UMAD1: variants seen among roughly 807,000 people sequenced by gnomAD.
The protein encoded by UMAD1 is UBAP1-MVB12-associated (UMA)-domain containing protein 1.
UMAD1 carries 8 observed loss-of-function variants against 6.1 expected under a neutral mutation model. That is an observed-to-expected ratio of 1.30 (90% CI 0.76 to 2.35). UMAD1 has a LOEUF of 2.35. Ranked by LOEUF, UMAD1 falls within the 30% of genes most tolerant of loss-of-function variation. The pLI, the probability that UMAD1 is intolerant of heterozygous loss-of-function variation, is 0.00. For synonymous variants in UMAD1, 56 were observed against 31.4 expected (o/e 1.78, Z -2.61); for missense variants, 130 against 78.4 (o/e 1.66, Z -2.49).
At chr7:7,668,628 A>G (rs1313221793) in intron 1 of UMAD1, among the ~76,000 whole-genome samples, 1 of 152,188 alleles carries the variant, frequency 6.6e-6, no homozygotes, top group African/African-American at 2.4e-5. Context: ...ACCATAGGCT[A>G]ATTGATATAA....
At chr7:7,755,035 C>G (rs920189059) in intron 2 of UMAD1, among the ~76,000 whole-genome samples, 2 of 152,122 alleles carry the variant, frequency 1.3e-5, no homozygotes, top group African/African-American at 4.8e-5. Flanking sequence ...GAGATCATGT[C>G]ACTCCTTTGT....
At position 7,796,244 on chromosome 7, in the gene UMAD1, C is replaced by CTTTT. The variant is rs59221325; in HGVS notation, c.83-5405_83-5402dup. On this transcript the variant is annotated intron_variant, in intron 2 of 3. Coordinates refer to ENST00000682710, the MANE Select transcript of UMAD1 (RefSeq NM_001302348.2). ...ACTTTGACCCATTTCTATTTTCTTT[C>CTTTT]TTTTTTTTTTTTTTTTTTTTTTTTG... Among the ~76,000 whole-genome samples, 439 of 63,934 alleles carry CTTTT rather than the reference C, an allele frequency of 6.9e-3. 7 individuals are homozygous for CTTTT. Among genetic ancestry groups the CTTTT allele is most frequent in the Middle Eastern group, 0.011 (1 of 94 alleles). 41.9% of individuals were successfully genotyped at this position (63,934 alleles called of 152,430 possible). A position where few individuals can be genotyped will look rare whatever the true frequency, so the allele number is the denominator to read the frequency against.
chr7:7,799,776 C>G (rs1782761865), intron 2 of UMAD1, among the ~76,000 whole-genome samples: 1 of 152,216 alleles, frequency 6.6e-6, no homozygotes, highest in South Asian at 2.1e-4. Context: ...TGGAGGTTCT[C>G]TTATCCCTCA....
chr7:7,735,413 CTTT>C (rs71014707), intron 2 of UMAD1, among the ~76,000 whole-genome samples: 1 of 145,806 alleles, frequency 6.9e-6, no homozygotes, highest in Non-Finnish European at 1.5e-5. Context: ...ACATCCTCAC[CTTT>C]TTTTTTTTTT....
chr7:7,741,928 TAAA>T (rs77773259), intron 2 of UMAD1: 38,780 of 186,816 alleles, frequency 0.21, 4,560 homozygotes, highest in African/African-American at 0.32. Flanking sequence ...TTTAGCGTAA[TAAA>T]ATCAATCGTT....
At chr7:7,693,803 T>C (rs561653501) in intron 2 of UMAD1, among the ~76,000 whole-genome samples, 105 of 152,330 alleles carry the variant, frequency 6.9e-4, no homozygotes, top group African/African-American at 2.4e-3. Flanking sequence ...TTTAAACTTA[T>C]AAACTCTAAT....
At chr7:7,741,927 A>G (rs1171924376) in intron 2 of UMAD1, 1 of 171,192 alleles carries the variant, frequency 5.8e-6, no homozygotes, top group Non-Finnish European at 1.2e-5. Context: ...TTTTAGCGTA[A>G]TAAAATCAAT....
At chr7:7,681,448 T>G (rs962715838) in intron 2 of UMAD1, among the ~76,000 whole-genome samples, 2 of 152,146 alleles carry the variant, frequency 1.3e-5, no homozygotes, top group African/African-American at 4.8e-5. Flanking sequence ...ACAGAAAACC[T>G]TTCTCCGCAT....
chr7:7,820,067 A>T (rs1046527045), intron 3 of UMAD1, among the ~76,000 whole-genome samples: 1 of 152,214 alleles, frequency 6.6e-6, no homozygotes, highest in Non-Finnish European at 1.5e-5. Flanking sequence ...GTTGTCACTC[A>T]GGCAAATTTT....
At chr7:7,682,600 C>T (rs1331262026) in intron 2 of UMAD1, among the ~76,000 whole-genome samples, 2 of 152,122 alleles carry the variant, frequency 1.3e-5, no homozygotes, top group Admixed American at 6.6e-5. Flanking sequence ...AAAACAGTGA[C>T]AAAAACTAAA....
chr7:7,734,164 A>C (rs750151755), intron 2 of UMAD1, among the ~76,000 whole-genome samples: 5 of 151,848 alleles, frequency 3.3e-5, no homozygotes, highest in African/African-American at 4.8e-5. Flanking sequence ...GTTCTTTTTG[A>C]GATATTGTTC....
At chr7:7,746,673 A>C (rs188478692) in intron 2 of UMAD1, among the ~76,000 whole-genome samples, 1 of 152,282 alleles carries the variant, frequency 6.6e-6, no homozygotes, top group Non-Finnish European at 1.5e-5. Flanking sequence ...AATAAAAAAC[A>C]TATGAGACAA....
chr7:7,663,056 T>C (rs1182170599), intron 1 of UMAD1, among the ~76,000 whole-genome samples: 1 of 152,142 alleles, frequency 6.6e-6, no homozygotes, highest in African/African-American at 2.4e-5. Context: ...GATTTCTTAT[T>C]ATAACCCAGC....
intron 2 of UMAD1, chr7:7,742,227 T>A: frequency 2.9e-6 from 2 of 681,294 alleles, no homozygotes; most frequent in Non-Finnish European, 5.5e-6. Context: ...GCCTGTTTGA[T>A]CTGGTGCTTG....
At chr7:7,666,344 C>G (rs930791387) in intron 1 of UMAD1, among the ~76,000 whole-genome samples, 1 of 151,968 alleles carries the variant, frequency 6.6e-6, no homozygotes, top group South Asian at 2.1e-4. Flanking sequence ...GCTGGGACCT[C>G]AGGCACACGC....
intron 2 of UMAD1, among the ~76,000 whole-genome samples, chr7:7,798,919 A>C (rs1346154526): frequency 6.6e-6 from 1 of 152,216 alleles, no homozygotes; most frequent in Non-Finnish European, 1.5e-5. Flanking sequence ...TTAAAAGCCT[A>C]TATGAAAGGT....
At chr7:7,678,368 T>G (rs1026013450) in intron 2 of UMAD1, among the ~76,000 whole-genome samples, 2 of 148,930 alleles carry the variant, frequency 1.3e-5, no homozygotes, top group African/African-American at 4.9e-5. Flanking sequence ...ATATGCCTAT[T>G]GGTCATTTTG....
At chr7:7,784,229 T>C (rs557148322) in intron 2 of UMAD1, among the ~76,000 whole-genome samples, 1 of 152,292 alleles carries the variant, frequency 6.6e-6, no homozygotes, top group East Asian at 1.9e-4. Flanking sequence ...TCATTCCTAC[T>C]TAATAAAGTT....
In UMAD1 at chr7:7,671,115, A is replaced by G. The variant is rs185293783; in HGVS notation, c.-63-2194A>G. ...GGGTTGTTTTAAGCATTCAATAATCATATTACTCTTTGAATTGAGACCAGA... is the reference window on the plus strand; with the variant it reads ...GGGTTGTTTTAAGCATTCAATAATCGTATTACTCTTTGAATTGAGACCAGA... On this transcript the variant is annotated intron_variant, in intron 1 of 3. Coordinates refer to ENST00000682710, the MANE Select transcript of UMAD1 (RefSeq NM_001302348.2). Among the ~76,000 whole-genome samples the G allele has an allele frequency of 2.0e-3, 301 of 152,318 alleles. 1 individual carries two copies. The highest frequency in any genetic ancestry group is 7.9e-3 in the South Asian group (38 of 4,826).
Sources: gnomAD v4.1 joint callset for allele counts (sites outside exome capture counted in the v4.1 genomes callset) on GRCh38, gnomAD v4.1.1 for gene constraint, MANE v1.5 for transcripts, NCBI Gene and HGNC (gene_info 2026-07-23, HGNC 2026-07-21) for gene names.